The following PYGL variants were observed in gnomAD, a reference collection of about 807,000 sequenced individuals.
PYGL encodes the protein glycogen phosphorylase L.
PYGL carries 90 observed loss-of-function variants against 100.1 expected under a neutral mutation model. The ratio of observed to expected loss-of-function variants is 0.90; its 90% CI spans 0.76 to 1.07. PYGL has a LOEUF of 1.07. PYGL is among the 50% of genes least tolerant of loss of function. PYGL has a pLI of 0.00. For synonymous variants in PYGL, 373 were observed against 393.0 expected, an observed-to-expected ratio of 0.95 and a Z score of 0.60; for missense variants, 1,016 against 1,057.6, an observed-to-expected ratio of 0.96 and a Z score of 0.55.
At chr14:50,941,989 C>T (rs913338964) in intron 1 of PYGL, among the ~76,000 whole-genome samples, 2 of 152,164 alleles carry the variant, frequency 1.3e-5, no homozygotes, top group Non-Finnish European at 2.9e-5. Context: ...GTTCACTAAA[C>T]ACTCAGAAAT....
At chr14:50,919,395 A>G (rs1044932922) in intron 7 of PYGL, among the ~76,000 whole-genome samples, 1 of 152,226 alleles carries the variant, frequency 6.6e-6, no homozygotes, top group Admixed American at 6.5e-5. Context: ...TGCTCCAGCA[A>G]AATCCACATA....
chr14:50,923,146 C>G (rs1242440618), intron 5 of PYGL: 1 of 152,266 alleles, frequency 6.6e-6, no homozygotes, highest in Non-Finnish European at 1.5e-5. Flanking sequence ...CACACACTCT[C>G]TCTAATTGAA....
intron 8 of PYGL, 21 bp from the exon 9 acceptor site, chr14:50,916,755 A>G (rs781428772): frequency 1.2e-6 from 2 of 1,603,682 alleles, no homozygotes; most frequent in South Asian, 1.1e-5. Flanking sequence ...AAAGACATCA[A>G]CATGAAGGCA....
intron 5 of PYGL, chr14:50,923,291 T>C (rs909363759): frequency 2.6e-5 from 4 of 151,998 alleles, no homozygotes; most frequent in African/African-American, 9.7e-5. Flanking sequence ...TATTTTATTT[T>C]ATTTTATTTT....
In PYGL at chr14:50,905,449, T is replaced by A. The variant is rs1263526588; in HGVS notation, c.2487A>T (p.Glu829Asp). The A allele has an allele frequency of 6.2e-7, 1 of 1,613,632 alleles. No homozygotes were observed. Among genetic ancestry groups the A allele is most frequent in the Non-Finnish European group, 8.5e-7 (1 of 1,179,644 alleles). ...ATAGAGAAATCTTTAGATCTGAAGGTTCCACGTTCCAGATGTTTTGGGCAT... is the reference window on the plus strand; with the variant it reads ...ATAGAGAAATCTTTAGATCTGAAGGATCCACGTTCCAGATGTTTTGGGCAT... The part of the protein sequence containing the change: ...KEYAQNIWNV[E>D]PSDLKISLSN... The change falls in exon 20 of 20, where the codon GAA (glutamate) becomes GAT (aspartate). Residue 829 changes from glutamate (E) to aspartate (D), a missense_variant. Transcript: ENST00000216392.
At chr14:50,908,712 G>C (rs2050358796) in intron 18 of PYGL, 109 bp downstream of exon 18, 1 of 1,464,730 alleles carries the variant, frequency 6.8e-7, no homozygotes, top group Non-Finnish European at 9.4e-7. Flanking sequence ...GTTTAAGTTG[G>C]TTTAAGATTG....
At chr14:50,912,514 TGTATTTTTA>T in intron 13 of PYGL, 1 of 615,778 alleles carries the variant, frequency 1.6e-6, no homozygotes, top group South Asian at 1.9e-5. Context: ...GGCTAATTTT[TGTATTTTTA>T]GTAGAGACGG....
chr14:50,939,331 C>T (rs544762897), intron 1 of PYGL, among the ~76,000 whole-genome samples: 2 of 152,332 alleles, frequency 1.3e-5, no homozygotes, highest in African/African-American at 2.4e-5. Context: ...GCCAAGCGCC[C>T]GGCCTACAAT....
At chr14:50,926,745 A>G (rs1046393494) in intron 4 of PYGL, among the ~76,000 whole-genome samples, 3 of 150,386 alleles carry the variant, frequency 2.0e-5, no homozygotes, top group Admixed American at 6.6e-5. Flanking sequence ...AAAAAAAAAA[A>G]AAAAAAAAGA....
chr14:50,911,278 T>C (rs1276708519), intron 16 of PYGL, among the ~76,000 whole-genome samples: 1 of 152,222 alleles, frequency 6.6e-6, no homozygotes, highest in African/African-American at 2.4e-5. Flanking sequence ...GCCTCGTGCT[T>C]TGGCAGCCTC....
At chr14:50,914,893 A>T in intron 11 of PYGL, 78 bp from the exon 12 acceptor site, 2 of 1,111,930 alleles carry the variant, frequency 1.8e-6, no homozygotes, top group East Asian at 4.7e-5. Context: ...GTTCGGAGTT[A>T]TATTCAAGAA....
At chr14:50,940,119 G>A (rs2050690796) in intron 1 of PYGL, among the ~76,000 whole-genome samples, 2 of 152,182 alleles carry the variant, frequency 1.3e-5, no homozygotes, top group African/African-American at 4.8e-5. Context: ...CTTCTCTGGG[G>A]CAGACATAGG....
Position 50,910,103 on chromosome 14 carries a change from C to T in PYGL, c.1970-1G>A. The T allele has an allele frequency of 3.1e-6, 5 of 1,612,970 alleles. No homozygotes were observed. The highest frequency in any genetic ancestry group is 4.2e-6 in the Non-Finnish European group (5 of 1,178,972). On this transcript the variant is annotated splice_acceptor_variant, in intron 16 of 19. Coordinates refer to ENST00000216392, the MANE Select transcript of PYGL (RefSeq NM_002863.5). LOFTEE classifies it high-confidence loss of function. ...TCTGACAGATCTGTGGCTGGAATGA[C>T]TGCAAGAAAGGTAAGTTAAAATTAG...
At chr14:50,911,646 T>A (rs2142790779) in intron 16 of PYGL, 84 bp downstream of exon 16, 1 of 1,538,118 alleles carries the variant, frequency 6.5e-7, no homozygotes, top group East Asian at 2.2e-5. Flanking sequence ...TACTAGCTCC[T>A]GGAGGTTGGC....
chr14:50,941,067 G>A (rs946774570), intron 1 of PYGL, among the ~76,000 whole-genome samples: 2 of 152,184 alleles, frequency 1.3e-5, no homozygotes, highest in Non-Finnish European at 2.9e-5. Context: ...AAGTGCTTTC[G>A]AATACTTGCT....
chr14:50,914,945 C>T (rs1033983184), intron 11 of PYGL, 130 bp from the exon 12 acceptor site: 1 of 737,608 alleles, frequency 1.4e-6, no homozygotes, highest in Admixed American at 2.0e-5. Context: ...GGTGGAGGGA[C>T]AGGCTGACAG....
intron 10 of PYGL, 51 bp downstream of exon 10, chr14:50,915,774 A>G: frequency 6.3e-7 from 1 of 1,589,090 alleles, no homozygotes; most frequent in African/African-American, 1.3e-5. Context: ...CATCTGTAAC[A>G]CCTTAAGATC....
In PYGL at chr14:50,942,302, A is replaced by C. The variant is rs1203327378; in HGVS notation, c.243+1859T>G. Among the ~76,000 whole-genome samples the C allele has an allele frequency of 1.4e-5, 2 of 139,808 alleles. 1 individual carries two copies. Among genetic ancestry groups the C allele is most frequent in the Non-Finnish European group, 3.1e-5 (2 of 63,504 alleles). The allele number at this position is 139,808 out of a possible 152,430, so 91.7% of individuals were successfully genotyped here. A position where few individuals can be genotyped will look rare whatever the true frequency, so the allele number is the denominator to read the frequency against. Reference sequence around the variant, plus strand: ...TAGAAAAGGAGAGCCCAGTGAAGAAACTGGCCGGAGAACCAGGAAAACCAT... The same window carrying C: ...TAGAAAAGGAGAGCCCAGTGAAGAACCTGGCCGGAGAACCAGGAAAACCAT... On this transcript the variant is annotated intron_variant, in intron 1 of 19. Transcript: ENST00000216392.
In PYGL at chr14:50,931,820, G is replaced by A. The variant is rs1278798371; in HGVS notation, c.425-44C>T. ...AGGCAAAAGATAGAGTCATTAAGCT[G>A]AGCCAAAATTTCCAGTCTTTCCCTA... On this transcript the variant is annotated intron_variant, in intron 3 of 19. Coordinates refer to ENST00000216392, the MANE Select transcript of PYGL (RefSeq NM_002863.5). 1.9e-6 allele frequency: 3 copies of A among 1,549,250 alleles called. No individual in the cohort carries two copies. The Admixed American group carries it at 5.0e-5, about 26-fold the overall frequency.
Sources: gnomAD v4.1 joint callset for allele counts (sites outside exome capture counted in the v4.1 genomes callset) on GRCh38, gnomAD v4.1.1 for gene constraint, MANE v1.5 for transcripts, NCBI Gene and HGNC (gene_info 2026-07-23, HGNC 2026-07-21) for gene names.